Variants in ARFGEF3 observed in about 807,000 individuals in gnomAD.
ARFGEF3 encodes brefeldin A-inhibited guanine nucleotide-exchange protein 3.
ARFGEF3 carries 96 observed loss-of-function variants against 221.7 expected under a neutral mutation model. That is an observed-to-expected ratio of 0.43 (90% CI 0.37 to 0.51). The LOEUF (loss-of-function observed/expected upper bound fraction) is 0.51, where lower values mean the gene tolerates loss of function less well. ARFGEF3 is among the 20% of genes least tolerant of loss of function. The probability of loss-of-function intolerance (pLI) is 0.00; values close to 1 mark genes in which losing one functional copy is unlikely to be tolerated. For missense variants in ARFGEF3, 2,410 were observed against 2,789.9 expected, an observed-to-expected ratio of 0.86 and a Z score of 3.07; for synonymous variants, 1,145 against 1,126.8, an observed-to-expected ratio of 1.02 and a Z score of -0.32.
chr6:138,227,043 G>GTT lies in ARFGEF3; in HGVS notation c.352-2730_352-2729dup, dbSNP rs112834247. Reference sequence around the variant, plus strand: ...TCCTGCTGTTTTCAGGGTTGATTTTGTTTTTTTTTTTTCCATATAGCTCAG... The same window carrying GTT: ...TCCTGCTGTTTTCAGGGTTGATTTTGTTTTTTTTTTTTTTCCATATAGCTCAG... On this transcript the variant is annotated intron_variant, in intron 4 of 33. Transcript: ENST00000251691. 5.9e-4 allele frequency among the ~76,000 whole-genome samples: 86 copies of GTT among 144,928 alleles called. 1 individual carries two copies. The highest frequency in any genetic ancestry group is 1.3e-3 in the African/African-American group (50 of 39,956).
At chr6:138,252,640 T>A (rs1778602994) in intron 8 of ARFGEF3, among the ~76,000 whole-genome samples, 1 of 152,182 alleles carries the variant, frequency 6.6e-6, no homozygotes, top group Non-Finnish European at 1.5e-5. Flanking sequence ...TGGGGGTAAT[T>A]TGAACTGTTA....
At chr6:138,311,630 T>C (rs889587389) in intron 25 of ARFGEF3, 120 bp downstream of exon 25, 38 of 664,032 alleles carry the variant, frequency 5.7e-5, no homozygotes, top group African/African-American at 1.8e-4. Flanking sequence ...TCTGAGGAGA[T>C]TGGGGCGCAG....
intron 2 of ARFGEF3, among the ~76,000 whole-genome samples, chr6:138,175,822 G>A (rs571821053): frequency 2.1e-4 from 32 of 152,318 alleles, no homozygotes; most frequent in African/African-American, 7.7e-4. Context: ...CTGACAACGT[G>A]TCTAATGCTG....
chr6:138,253,497 C>G (rs1778616680), intron 8 of ARFGEF3, among the ~76,000 whole-genome samples: 1 of 152,164 alleles, frequency 6.6e-6, no homozygotes, highest in Admixed American at 6.5e-5. Flanking sequence ...CCTCAGGCTT[C>G]TCTCCGCGCC....
In ARFGEF3 at chr6:138,342,187, A is replaced by G. The variant is rs1351777138; in HGVS notation, c.*5701A>G. 6.6e-6 allele frequency: 1 copy of G among 152,192 alleles called. No homozygotes were observed. The highest frequency in any genetic ancestry group is 6.5e-5 in the Admixed American group (1 of 15,282). The allele number at this position is 152,192 out of a possible 1,614,324, so 9.4% of individuals were successfully genotyped here. Reference sequence around the variant, plus strand: ...ATCACCTGGAGGGCCTTTTTTTAAAATAAGACACAGATTGCTGGGCTCATG... The same window carrying G: ...ATCACCTGGAGGGCCTTTTTTTAAAGTAAGACACAGATTGCTGGGCTCATG... On this transcript the variant is annotated 3_prime_UTR_variant, in exon 34 of 34. Transcript: ENST00000251691.
intron 12 of ARFGEF3, among the ~76,000 whole-genome samples, chr6:138,274,234 AT>A (rs144205828): frequency 0.015 from 2,245 of 151,472 alleles, 23 homozygotes; most frequent in Middle Eastern, 0.038. Context: ...TTACAGATTC[AT>A]TTTTTTTTCT....
At position 138,336,537 on chromosome 6, in the gene ARFGEF3, C is replaced by G. The variant is rs1013504803; in HGVS notation, c.*51C>G. On this transcript the variant is annotated 3_prime_UTR_variant, in exon 34 of 34. Coordinates refer to ENST00000251691, the MANE Select transcript of ARFGEF3 (RefSeq NM_020340.5). ...AAATAACAGTAGTGAGGGTTAGAGT[C>G]CTGCCAATACAGCTGTTGCATTTTC... is the stretch of plus-strand genomic sequence containing the variant. 3 of 1,437,712 alleles carry G rather than the reference C, an allele frequency of 2.1e-6. No homozygotes were observed. The highest frequency in any genetic ancestry group is 2.0e-5 in the Admixed American group (1 of 49,614). 89.1% of individuals were successfully genotyped at this position (1,437,712 alleles called of 1,614,324 possible). A position where few individuals can be genotyped will look rare whatever the true frequency, so the allele number is the denominator to read the frequency against.
chr6:138,313,891 A>G lies in ARFGEF3; in HGVS notation c.4297A>G (p.Ser1433Gly). Reference sequence around the variant, plus strand: ...AAGACTTCAGGAACAGTCAGCCAGCAGTGAGGATGGAATTGAATCAGTCCT... The same window carrying G: ...AAGACTTCAGGAACAGTCAGCCAGCGGTGAGGATGGAATTGAATCAGTCCT... ...PRRLQEQSASSEDGIESVLSD... is the reference protein window; with the variant it reads ...PRRLQEQSASGEDGIESVLSD... Residue 1433 changes from serine to glycine, a missense_variant, in exon 26 of 34, where the codon AGT becomes GGT. Transcript: ENST00000251691. The G allele has an allele frequency of 6.2e-7, 1 of 1,613,978 alleles. No homozygotes were observed. Among genetic ancestry groups the G allele is most frequent in the Non-Finnish European group, 8.5e-7 (1 of 1,179,878 alleles).
chr6:138,212,704 G>C (rs111814829), intron 4 of ARFGEF3, among the ~76,000 whole-genome samples: 1 of 152,120 alleles, frequency 6.6e-6, no homozygotes, highest in African/African-American at 2.4e-5. Context: ...CCATAAAAAA[G>C]GATGAGTTCA....
intron 22 of ARFGEF3, among the ~76,000 whole-genome samples, chr6:138,300,663 C>T (rs925491673): frequency 9.9e-5 from 15 of 152,038 alleles, no homozygotes; most frequent in African/African-American, 2.9e-4. Context: ...CAGCAAAAAC[C>T]GCAATTACTT....
intron 8 of ARFGEF3, among the ~76,000 whole-genome samples, chr6:138,252,278 T>G (rs1355505280): frequency 6.6e-6 from 1 of 152,242 alleles, no homozygotes; most frequent in Non-Finnish European, 1.5e-5. Context: ...AACTGTCTCT[T>G]TGTTTTTGTT....
At chr6:138,319,621 C>A in intron 27 of ARFGEF3, 82 bp from the exon 28 acceptor site, 2 of 986,604 alleles carry the variant, frequency 2.0e-6, no homozygotes, top group South Asian at 1.7e-5. Flanking sequence ...GGGATCCTTC[C>A]AAAGAGATCA....
intron 4 of ARFGEF3, chr6:138,218,209 G>C: frequency 6.2e-7 from 1 of 1,613,862 alleles, no homozygotes; most frequent in Non-Finnish European, 8.5e-7. Flanking sequence ...GTTGCCTTTT[G>C]ACTTCTTTTT....
At chr6:138,189,021 G>A (rs754928391) in intron 2 of ARFGEF3, among the ~76,000 whole-genome samples, 1 of 152,156 alleles carries the variant, frequency 6.6e-6, no homozygotes, top group Non-Finnish European at 1.5e-5. Context: ...ATTGTTCTCT[G>A]CGTGATGCTT....
rs1359951522 is a variant in ARFGEF3 at position 138,162,965 on chromosome 6, G to A, written c.85+794G>A. On this transcript the variant is annotated intron_variant, in intron 1 of 33. Transcript: ENST00000251691. The surrounding 1 kb of genome is among the most constrained non-coding windows in gnomAD (Gnocchi z 4.7). Reference sequence around the variant, plus strand: ...AAGGAAAGGCCAAGAAGAAGCCAGCGCAGCTAGCTCTATGGGCTCCTCTCT... The same window carrying A: ...AAGGAAAGGCCAAGAAGAAGCCAGCACAGCTAGCTCTATGGGCTCCTCTCT... Among the ~76,000 whole-genome samples the A allele has an allele frequency of 6.6e-6, 1 of 152,202 alleles. No individual in the cohort carries two copies. Among genetic ancestry groups the A allele is most frequent in the African/African-American group, 2.4e-5 (1 of 41,444 alleles).
intron 1 of ARFGEF3, among the ~76,000 whole-genome samples, chr6:138,168,498 G>A (rs1776763240): frequency 6.6e-6 from 1 of 152,152 alleles, no homozygotes; most frequent in Non-Finnish European, 1.5e-5. Context: ...CATTTGGGGT[G>A]GAGGAAATGC....
chr6:138,238,081 C>T lies in ARFGEF3; in HGVS notation c.421-428C>T, dbSNP rs112361925. ...GCTAGAGGGTTGACCCAAGGTCAAA[C>T]TCATTCATAGAGCAGGAGAAAGCGT... On this transcript the variant is annotated intron_variant, in intron 5 of 33. Coordinates refer to ENST00000251691, the MANE Select transcript of ARFGEF3 (RefSeq NM_020340.5). Among the ~76,000 whole-genome samples the T allele has an allele frequency of 4.3e-3, 660 of 152,310 alleles. 6 individuals carry two copies. Among genetic ancestry groups the T allele is most frequent in the South Asian group, 0.024 (115 of 4,824 alleles).
chr6:138,173,740 C>G (rs1350611836), intron 2 of ARFGEF3, among the ~76,000 whole-genome samples: 1 of 151,990 alleles, frequency 6.6e-6, no homozygotes, highest in Non-Finnish European at 1.5e-5. Flanking sequence ...TTTGCTTTAC[C>G]CCAGAGCCAG....
chr6:138,327,358 A>G (rs1780144596), intron 31 of ARFGEF3, among the ~76,000 whole-genome samples: 1 of 152,174 alleles, frequency 6.6e-6, no homozygotes, highest in Non-Finnish European at 1.5e-5. Flanking sequence ...TTAAGGTGGG[A>G]GGATCACTCG....
Sources: gnomAD v4.1 joint callset for allele counts (sites outside exome capture counted in the v4.1 genomes callset) on GRCh38, gnomAD v4.1.1 for gene constraint, Gnocchi (gnomAD v3.1) non-coding constraint, MANE v1.5 for transcripts, NCBI Gene and HGNC (gene_info 2026-07-23, HGNC 2026-07-21) for gene names.